Variants in NXPH1 observed in about 807,000 individuals in gnomAD.
The protein encoded by NXPH1 is neurexophilin-1.
Under a neutral mutation model 23.7 loss-of-function variants are expected in NXPH1, and 5 were observed. The ratio of observed to expected loss-of-function variants is 0.21; its 90% confidence interval spans 0.11 to 0.44. The LOEUF (loss-of-function observed/expected upper bound fraction) is 0.44. Ranked by LOEUF, NXPH1 falls within the 20% of genes least tolerant of loss-of-function variation. The pLI is 0.99. For missense variants in NXPH1, 324 were observed against 321.6 expected, an observed-to-expected ratio of 1.01 and a Z score of -0.06; for synonymous variants, 144 against 122.2, an observed-to-expected ratio of 1.18 and a Z score of -1.18.
intron 2 of NXPH1, among the ~76,000 whole-genome samples, chr7:8,649,095 TA>T (rs1820445552): frequency 6.6e-6 from 1 of 152,040 alleles, no homozygotes; most frequent in Admixed American, 6.6e-5. Context: ...TTCCATATAT[TA>T]TATTACTTTT....
At chr7:8,548,232 G>A (rs991285843) in intron 2 of NXPH1, among the ~76,000 whole-genome samples, 7 of 151,502 alleles carry the variant, frequency 4.6e-5, no homozygotes, top group Admixed American at 2.0e-4. Context: ...GATACTTCCT[G>A]TTCATGGAGT....
At chr7:8,672,901 C>T (rs113072296) in intron 2 of NXPH1, among the ~76,000 whole-genome samples, 3,095 of 152,202 alleles carry the variant, frequency 0.02, 64 homozygotes, top group Middle Eastern at 0.048. Context: ...AGGGAAGAGG[C>T]AAGGTGGTAG....
chr7:8,499,027 T>C (rs1406134736), intron 2 of NXPH1, among the ~76,000 whole-genome samples: 11 of 152,064 alleles, frequency 7.2e-5, no homozygotes, highest in African/African-American at 2.7e-4. Context: ...TAACATGAAG[T>C]GAACAGATTC....
intron 2 of NXPH1, among the ~76,000 whole-genome samples, chr7:8,713,115 A>G (rs933898419): frequency 6.6e-6 from 1 of 151,892 alleles, no homozygotes; most frequent in East Asian, 1.9e-4. Flanking sequence ...TCTTGTAGGC[A>G]TGCTTCATTC....
At chr7:8,666,262 T>C (rs1457609101) in intron 2 of NXPH1, among the ~76,000 whole-genome samples, 1 of 151,984 alleles carries the variant, frequency 6.6e-6, no homozygotes, top group Non-Finnish European at 1.5e-5. Context: ...AGGGTTATTA[T>C]GTTTGTCAAA....
At position 8,435,617 on chromosome 7, in the gene NXPH1, C is replaced by A; in HGVS notation, c.-97C>A. ...ATTTGCATCTAGGCTGCTGAGAGCGCTCCTTGCTCTGTAAAGTGGATGTCA... is the reference window on the plus strand; with the variant it reads ...ATTTGCATCTAGGCTGCTGAGAGCGATCCTTGCTCTGTAAAGTGGATGTCA... On this transcript the variant is annotated 5_prime_UTR_variant, in exon 2 of 3. Transcript: ENST00000405863. This position sits in a 1 kb window ranked among gnomAD's most constrained non-coding sequence, Gnocchi z 5.9. 8.9e-7 allele frequency: 1 copy of A among 1,123,438 alleles called. No homozygotes were observed. Among genetic ancestry groups the A allele is most frequent in the South Asian group, 1.2e-5 (1 of 81,104 alleles). 69.6% of individuals were successfully genotyped at this position (1,123,438 alleles called of 1,614,324 possible).
intron 2 of NXPH1, among the ~76,000 whole-genome samples, chr7:8,687,823 GA>G (rs1240041070): frequency 1.3e-5 from 2 of 152,034 alleles, no homozygotes; most frequent in Non-Finnish European, 2.9e-5. Context: ...GAGACATTCT[GA>G]AAATTATTTC....
chr7:8,472,490 G>A (rs902195564), intron 2 of NXPH1, among the ~76,000 whole-genome samples: 7 of 152,126 alleles, frequency 4.6e-5, no homozygotes, highest in Non-Finnish European at 1.0e-4. Flanking sequence ...GTTGGTATGA[G>A]ACCCTGTGTG....
rs887521164 is a variant in NXPH1, at chr7:8,534,652, T to G, written c.54+98885T>G. On this transcript the variant is annotated intron_variant, in intron 2 of 2. Coordinates refer to ENST00000405863, the MANE Select transcript of NXPH1 (RefSeq NM_152745.3). Reference sequence around the variant, plus strand: ...ATCTGTGTAAGCTAAAAAAGAAATATCAAACAATAACAGTATCTTACATTT... The same window carrying G: ...ATCTGTGTAAGCTAAAAAAGAAATAGCAAACAATAACAGTATCTTACATTT... 2.6e-5 allele frequency among the ~76,000 whole-genome samples: 4 copies of G among 152,194 alleles called. No individual in the cohort carries two copies. The East Asian group carries it at 7.8e-4, about 29-fold the overall frequency.
chr7:8,627,112 T>G (rs1033274503), intron 2 of NXPH1, among the ~76,000 whole-genome samples: 8 of 152,104 alleles, frequency 5.3e-5, no homozygotes, highest in Non-Finnish European at 7.4e-5. Context: ...TGGCACACAG[T>G]AAATGGCTAA....
intron 2 of NXPH1, among the ~76,000 whole-genome samples, chr7:8,613,334 A>C (rs971883932): frequency 6.6e-6 from 1 of 152,018 alleles, no homozygotes; most frequent in Non-Finnish European, 1.5e-5. Flanking sequence ...TTCGTGGTGC[A>C]TTTCAACAAA....
chr7:8,568,763 G>C (rs1012581024), intron 2 of NXPH1, among the ~76,000 whole-genome samples: 1 of 151,756 alleles, frequency 6.6e-6, no homozygotes, highest in African/African-American at 2.4e-5. Context: ...GTCAACTACA[G>C]TTTGATGGAG....
chr7:8,692,147 T>C (rs556363645), intron 2 of NXPH1, among the ~76,000 whole-genome samples: 1 of 151,692 alleles, frequency 6.6e-6, no homozygotes, highest in East Asian at 1.9e-4. Flanking sequence ...CTAGATTCTG[T>C]TGGGCTTTGT....
intron 2 of NXPH1, among the ~76,000 whole-genome samples, chr7:8,571,539 G>A (rs1344420379): frequency 6.6e-6 from 1 of 151,650 alleles, no homozygotes; most frequent in Admixed American, 6.6e-5. Context: ...TTATAATGAG[G>A]AAAATCTTAA....
intron 2 of NXPH1, among the ~76,000 whole-genome samples, chr7:8,668,100 G>T (rs996313413): frequency 6.6e-6 from 1 of 151,600 alleles, no homozygotes; most frequent in African/African-American, 2.4e-5. Flanking sequence ...TAGTTTTTCT[G>T]ATATCATTTT....
intron 2 of NXPH1, among the ~76,000 whole-genome samples, chr7:8,686,584 A>T (rs969608178): frequency 3.3e-5 from 5 of 152,136 alleles, no homozygotes; most frequent in Non-Finnish European, 7.4e-5. Context: ...GTAATTGTTC[A>T]TATCAGAATT....
At chr7:8,601,532 G>T (rs899487486) in intron 2 of NXPH1, among the ~76,000 whole-genome samples, 62 of 152,126 alleles carry the variant, frequency 4.1e-4, no homozygotes, top group Admixed American at 3.9e-3. Flanking sequence ...TCTTCCTCAT[G>T]TGAAGACCAA....
chr7:8,625,227 ATG>A (rs1819962060), intron 2 of NXPH1, among the ~76,000 whole-genome samples: 1 of 152,180 alleles, frequency 6.6e-6, no homozygotes, highest in Admixed American at 6.6e-5. Context: ...CATAAGCAAA[ATG>A]TAACTTGACT....
At chr7:8,734,904 G>A (rs1458769964) in intron 2 of NXPH1, among the ~76,000 whole-genome samples, 1 of 152,112 alleles carries the variant, frequency 6.6e-6, no homozygotes, top group Non-Finnish European at 1.5e-5. Flanking sequence ...TCTCTTTATA[G>A]CAATTGTGAA....
Sources: gnomAD v4.1 joint callset for allele counts (sites outside exome capture counted in the v4.1 genomes callset) on GRCh38, gnomAD v4.1.1 for gene constraint, Gnocchi (gnomAD v3.1) non-coding constraint, MANE v1.5 for transcripts, NCBI Gene and HGNC (gene_info 2026-07-23, HGNC 2026-07-21) for gene names.